IFT122: variants seen among roughly 807,000 people sequenced by gnomAD.
IFT122 encodes intraflagellar transport protein 122 homolog.
Under a neutral mutation model 161.6 loss-of-function variants are expected in IFT122, and 118 were observed. The observed-to-expected ratio is 0.73, with a 90% CI of 0.63 to 0.85. The LOEUF (loss-of-function observed/expected upper bound fraction) is 0.85, where lower values mean the gene tolerates loss of function less well. Ranked by LOEUF, IFT122 falls within the 40% of genes least tolerant of loss-of-function variation. The pLI, the probability that IFT122 is intolerant of heterozygous loss-of-function variation, is 0.00. For missense variants in IFT122, 1,381 were observed against 1,579.6 expected (o/e 0.87, Z 2.13); for synonymous variants, 550 against 602.4 (o/e 0.91, Z 1.27).
At chr3:129,505,493 C>T (rs2082100428) in intron 21 of IFT122, among the ~76,000 whole-genome samples, 1 of 152,232 alleles carries the variant, frequency 6.6e-6, no homozygotes, top group Admixed American at 6.5e-5. Flanking sequence ...GGGCAAAACA[C>T]ATCAACCTAT....
chr3:129,519,470 T>C, intron 28 of IFT122, 98 bp from the exon 29 acceptor site: 7 of 1,515,778 alleles, frequency 4.6e-6, no homozygotes, highest in Non-Finnish European at 6.3e-6. Context: ...AAGCAGGTCC[T>C]CTCTCACCAC....
intron 14 of IFT122, among the ~76,000 whole-genome samples, chr3:129,481,900 C>G (rs1408123426): frequency 6.6e-6 from 1 of 152,230 alleles, no homozygotes; most frequent in Non-Finnish European, 1.5e-5. Flanking sequence ...CTGGACCGGC[C>G]TCTTTAACTT....
rs758300126 is a variant in IFT122, at chr3:129,500,055, G to A, written c.2362G>A (p.Gly788Ser). 1 of 1,614,186 alleles carries A rather than the reference G, an allele frequency of 6.2e-7. No homozygotes were observed. The highest frequency in any genetic ancestry group is 8.5e-7 in the Non-Finnish European group (1 of 1,180,030). The part of the protein sequence containing the change: ...VKAIEICGDH[G>S]WVDMLIDIAR... The stretch of plus-strand genomic sequence containing the variant: ...GGCCATCGAGATCTGTGGTGACCAT[G>A]GCTGGGTTGACATGTAGGTTTTGGT... Residue 788 changes from glycine to serine, a missense_variant, in exon 19 of 30, where the codon GGC becomes AGC. By Grantham distance (56) the Gly-to-Ser change is moderately conservative. Around this residue, in one of 7 missense-constraint regions of IFT122, gnomAD observed 496 missense variants for 502.5 expected, o/e 0.99. Coordinates refer to ENST00000348417, the MANE Select transcript of IFT122 (RefSeq NM_052989.3).
chr3:129,469,561 C>T (rs1386806729), intron 9 of IFT122, 144 bp downstream of exon 9: 1 of 711,960 alleles, frequency 1.4e-6, no homozygotes, highest in Non-Finnish European at 2.5e-6. Context: ...GTGCTCACTG[C>T]TTTGCATACT....
chr3:129,441,986 A>G (rs1211691866), intron 1 of IFT122, among the ~76,000 whole-genome samples: 1 of 152,066 alleles, frequency 6.6e-6, no homozygotes, highest in African/African-American at 2.4e-5. Context: ...GCCAATTACC[A>G]CCATGCAGGA....
At chr3:129,514,076 T>G (rs2083165859) in intron 24 of IFT122, 3 of 421,752 alleles carry the variant, frequency 7.1e-6, no homozygotes, top group South Asian at 6.1e-5. Context: ...CTGGCAGGTT[T>G]GGTGAGGCAG....
At chr3:129,491,544 A>G (rs1415424744) in intron 16 of IFT122, among the ~76,000 whole-genome samples, 1 of 152,136 alleles carries the variant, frequency 6.6e-6, no homozygotes, top group African/African-American at 2.4e-5. Context: ...GGGTTTACAT[A>G]AAGAGTTTGC....
chr3:129,461,459 A>C, intron 5 of IFT122, 155 bp downstream of exon 5: 1 of 699,390 alleles, frequency 1.4e-6, no homozygotes, highest in Admixed American at 2.0e-5. Context: ...TTATTCTTTA[A>C]ATTGTGTGGA....
intron 14 of IFT122, among the ~76,000 whole-genome samples, chr3:129,482,637 C>G (rs1257541237): frequency 6.6e-6 from 1 of 152,132 alleles, no homozygotes; most frequent in African/African-American, 2.4e-5. Context: ...TCACTCATGT[C>G]CTTGAGAGAG....
At chr3:129,501,199 T>C (rs113802734) in intron 19 of IFT122, among the ~76,000 whole-genome samples, 45 of 152,216 alleles carry the variant, frequency 3.0e-4, no homozygotes, top group Middle Eastern at 3.4e-3. Context: ...GGCTCAAGCA[T>C]GTGCACACAC....
In IFT122 at chr3:129,469,427, C is replaced by A; in HGVS notation, c.816+10C>A. The A allele has an allele frequency of 6.2e-7, 1 of 1,606,906 alleles. No homozygotes were observed. Among genetic ancestry groups the A allele is most frequent in the South Asian group, 1.1e-5 (1 of 90,918 alleles). ...GCTGAGTGGAAAACAGGTATGTAGCCCTGTACAAATCCAATTGCAGTCATG... is the reference window on the plus strand; with the variant it reads ...GCTGAGTGGAAAACAGGTATGTAGCACTGTACAAATCCAATTGCAGTCATG... On this transcript the variant is annotated intron_variant, in intron 9 of 29. Transcript: ENST00000348417.
chr3:129,489,256 A>C (rs1293566645), intron 16 of IFT122, among the ~76,000 whole-genome samples: 4 of 152,196 alleles, frequency 2.6e-5, no homozygotes, highest in Admixed American at 1.3e-4. Context: ...GACCAGGACT[A>C]AGAAGCCTGG....
intron 19 of IFT122, 98 bp downstream of exon 19, chr3:129,500,166 T>C (rs2081359293): frequency 7.2e-7 from 1 of 1,391,650 alleles, no homozygotes; most frequent in Admixed American, 1.7e-5. Context: ...TCTAATTATC[T>C]AAAGCTAATG....
chr3:129,460,964 T>C, intron 4 of IFT122: 2 of 1,602,300 alleles, frequency 1.2e-6, no homozygotes, highest in Non-Finnish European at 1.7e-6. Flanking sequence ...GGTGGGAGGA[T>C]TGATTGCTTG....
chr3:129,452,809 G>T (rs1224793075), intron 3 of IFT122, among the ~76,000 whole-genome samples: 1 of 152,146 alleles, frequency 6.6e-6, no homozygotes, highest in Non-Finnish European at 1.5e-5. Flanking sequence ...AGAGGTGAGG[G>T]TTAGGACATC....
chr3:129,511,720 A>G (rs1175515143), intron 23 of IFT122, among the ~76,000 whole-genome samples: 1 of 152,230 alleles, frequency 6.6e-6, no homozygotes, highest in Non-Finnish European at 1.5e-5. Context: ...GCCAGGAGCC[A>G]GGGAAATGGG....
At chr3:129,475,513 G>A (rs141505375) in intron 9 of IFT122, among the ~76,000 whole-genome samples, 187 of 152,296 alleles carry the variant, frequency 1.2e-3, no homozygotes, top group African/African-American at 4.2e-3. Context: ...TTAGCCAGGC[G>A]TGTTCTCACA....
rs559183873 is a variant in IFT122 at position 129,515,759 on chromosome 3, G to A, written c.3265+160G>A. On this transcript the variant is annotated intron_variant, in intron 26 of 29. Coordinates refer to ENST00000348417, the MANE Select transcript of IFT122 (RefSeq NM_052989.3). Reference sequence around the variant, plus strand: ...TCTGACGCCCACCTACCTGACACAAGGAGTCACTGTCGGTGTTCCCAGAGA... The same window carrying A: ...TCTGACGCCCACCTACCTGACACAAAGAGTCACTGTCGGTGTTCCCAGAGA... Among the ~76,000 whole-genome samples the A allele has an allele frequency of 2.0e-5, 3 of 152,274 alleles. No homozygotes were observed. The East Asian group carries it at 5.8e-4, about 29-fold the overall frequency.
Position 129,488,363 on chromosome 3 carries a change from C to T in IFT122, c.1958C>T (p.Ala653Val), listed in dbSNP as rs765879580. 5.0e-6 allele frequency: 8 copies of T among 1,614,138 alleles called. No homozygotes were observed. The highest frequency in any genetic ancestry group is 2.2e-5 in the East Asian group (1 of 44,888). Reference protein sequence around the residue: ...DTDWRELAMEALEGLDFETAK... With the variant: ...DTDWRELAMEVLEGLDFETAK... ...GATTGGCGTGAACTGGCCATGGAAG[C>T]GCTAGAAGGTTTAGATTTTGAAACA... is the stretch of plus-strand genomic sequence containing the variant. Residue 653 changes from alanine (A) to valine (V), a missense_variant, in exon 16 of 30, where the codon GCG becomes GTG. Ala to Val is a moderately conservative substitution (Grantham distance 64). This residue lies in a region of IFT122 where 7 missense variants were observed against 19.4 expected (regional missense o/e 0.36). Coordinates refer to ENST00000348417, the MANE Select transcript of IFT122 (RefSeq NM_052989.3).
Sources: gnomAD v4.1 joint callset for allele counts (sites outside exome capture counted in the v4.1 genomes callset) on GRCh38, gnomAD v4.1.1 for gene constraint, gnomAD v4.1.1 regional missense constraint, MANE v1.5 for transcripts, NCBI Gene and HGNC (gene_info 2026-07-23, HGNC 2026-07-21) for gene names.